Variants in ADARB2 observed in about 807,000 individuals in gnomAD.
ADARB2 encodes inactive double-stranded RNA-specific editase B2.
In ADARB2, 25 loss-of-function variants were observed where a neutral mutation model predicts 62.2. The observed-to-expected ratio is 0.40, with a 90% CI of 0.29 to 0.56. The LOEUF (loss-of-function observed/expected upper bound fraction) is 0.56, where lower values mean the gene tolerates loss of function less well. ADARB2 is among the 20% of genes least tolerant of loss of function. The pLI is 0.43. For missense variants in ADARB2, 1,071 were observed against 1,077.4 expected (o/e 0.99, Z 0.08); for synonymous variants, 572 against 500.8 (o/e 1.14, Z -1.90).
At chr10:1,227,652 C>T (rs1331211454) in intron 6 of ADARB2, among the ~76,000 whole-genome samples, 1 of 152,132 alleles carries the variant, frequency 6.6e-6, no homozygotes, top group East Asian at 1.9e-4. Context: ...AGACAAACAA[C>T]AAGAGGTTTG....
chr10:1,347,784 A>C (rs1270082289), intron 3 of ADARB2, among the ~76,000 whole-genome samples: 1 of 152,182 alleles, frequency 6.6e-6, no homozygotes, highest in Non-Finnish European at 1.5e-5. Flanking sequence ...AGGCACCCCC[A>C]GTGGACACCA....
chr10:1,736,936 A>G, intron 1 of ADARB2, 115 bp downstream of exon 1: 2 of 1,059,124 alleles, frequency 1.9e-6, no homozygotes, highest in Admixed American at 2.0e-5. Flanking sequence ...CCATCCCGCC[A>G]GCACCCCAAA....
intron 7 of ADARB2, among the ~76,000 whole-genome samples, chr10:1,201,593 A>G (rs1836985801): frequency 6.7e-6 from 1 of 149,532 alleles, no homozygotes; most frequent in Non-Finnish European, 1.5e-5. Flanking sequence ...TTCATTCCAC[A>G]GAGTGTCTGC....
At chr10:1,523,815 G>A (rs946792370) in intron 1 of ADARB2, among the ~76,000 whole-genome samples, 1 of 152,054 alleles carries the variant, frequency 6.6e-6, no homozygotes, top group African/African-American at 2.4e-5. Flanking sequence ...TTTCTAATCT[G>A]TCATCCTTTT....
intron 1 of ADARB2, among the ~76,000 whole-genome samples, chr10:1,436,923 G>A (rs1165057802): frequency 6.6e-6 from 1 of 152,028 alleles, no homozygotes; most frequent in African/African-American, 2.4e-5. Flanking sequence ...CTGTTTTCAT[G>A]CTATTTGGAT....
intron 3 of ADARB2, among the ~76,000 whole-genome samples, chr10:1,283,840 A>G (rs1831390246): frequency 6.6e-6 from 1 of 152,208 alleles, no homozygotes; most frequent in African/African-American, 2.4e-5. Flanking sequence ...CCTGGAAGAG[A>G]TAGTTTATGT....
At chr10:1,643,862 C>G (rs1020539329) in intron 1 of ADARB2, among the ~76,000 whole-genome samples, 1 of 152,102 alleles carries the variant, frequency 6.6e-6, no homozygotes, top group Non-Finnish European at 1.5e-5. Context: ...GTGACAGTGA[C>G]AAGGTGCCTG....
chr10:1,669,091 T>C (rs777333978), intron 1 of ADARB2, among the ~76,000 whole-genome samples: 2 of 152,208 alleles, frequency 1.3e-5, no homozygotes, highest in Non-Finnish European at 2.9e-5. Context: ...AGCCAAGCCC[T>C]AGCCTACTGC....
chr10:1,465,613 T>C lies in ADARB2; in HGVS notation c.101-86453A>G, dbSNP rs539136799. On this transcript the variant is annotated intron_variant, in intron 1 of 9. Coordinates refer to ENST00000381312, the MANE Select transcript of ADARB2 (RefSeq NM_018702.4). ...AATTCCCCTGTAGAGAGTGTGCCTT[T>C]TGACTTTACCTGTCCTCAGACTGAC... Among the ~76,000 whole-genome samples, 9 of 152,338 alleles carry C rather than the reference T, an allele frequency of 5.9e-5. No homozygotes were observed. In the East Asian group the frequency reaches 1.7e-3, roughly 29 times the overall value.
At chr10:1,287,426 A>G (rs923240416) in intron 3 of ADARB2, among the ~76,000 whole-genome samples, 2 of 152,192 alleles carry the variant, frequency 1.3e-5, no homozygotes, top group East Asian at 1.9e-4. Flanking sequence ...CCTGAAATAC[A>G]TGATACATTA....
At chr10:1,484,150 T>C (rs1287462901) in intron 1 of ADARB2, among the ~76,000 whole-genome samples, 1 of 152,234 alleles carries the variant, frequency 6.6e-6, no homozygotes, top group Non-Finnish European at 1.5e-5. Context: ...ACATTAATCC[T>C]CTCGATATTT....
At chr10:1,696,168 GTC>G (rs1454932100) in intron 1 of ADARB2, among the ~76,000 whole-genome samples, 3 of 130,728 alleles carry the variant, frequency 2.3e-5, no homozygotes, top group South Asian at 3.1e-4. Context: ...GTTTGCATGT[GTC>G]TGTGTATGCA....
intron 1 of ADARB2, among the ~76,000 whole-genome samples, chr10:1,488,081 A>C (rs1220554951): frequency 6.6e-6 from 1 of 152,254 alleles, no homozygotes; most frequent in African/African-American, 2.4e-5. Flanking sequence ...GAAAGCACTC[A>C]ATATAAAGAA....
intron 1 of ADARB2, among the ~76,000 whole-genome samples, chr10:1,702,794 T>C (rs1363860637): frequency 6.6e-6 from 1 of 152,238 alleles, no homozygotes; most frequent in Non-Finnish European, 1.5e-5. Flanking sequence ...AGACTGGCCC[T>C]CCTTTAGAGG....
intron 1 of ADARB2, among the ~76,000 whole-genome samples, chr10:1,683,807 G>A (rs1394365187): frequency 6.6e-6 from 1 of 152,236 alleles, no homozygotes. Flanking sequence ...GCAGAGAAAC[G>A]CAGGCAAGGA....
At chr10:1,208,037 T>A (rs1212303643) in intron 7 of ADARB2, among the ~76,000 whole-genome samples, 1 of 152,146 alleles carries the variant, frequency 6.6e-6, no homozygotes. Flanking sequence ...AGGGGCAGGG[T>A]TTGGTCTCCA....
intron 1 of ADARB2, among the ~76,000 whole-genome samples, chr10:1,479,576 G>T (rs140325728): frequency 6.6e-6 from 1 of 152,114 alleles, no homozygotes; most frequent in Admixed American, 6.5e-5. Context: ...ATCCAGAGTC[G>T]GGTTCTGCCT....
intron 1 of ADARB2, among the ~76,000 whole-genome samples, chr10:1,575,687 G>A (rs1751701507): frequency 6.6e-6 from 1 of 152,202 alleles, no homozygotes; most frequent in African/African-American, 2.4e-5. Flanking sequence ...GTGGAGGAGG[G>A]TGGGAGGTTC....
At chr10:1,382,824 G>T (rs145448025) in intron 1 of ADARB2, among the ~76,000 whole-genome samples, 27 of 151,980 alleles carry the variant, frequency 1.8e-4, no homozygotes, top group African/African-American at 6.3e-4. Flanking sequence ...TAGAAGAGGC[G>T]GCTGGGCTGG....
Sources: allele counts gnomAD v4.1 joint callset (sites outside exome capture counted in the v4.1 genomes callset), GRCh38; gene constraint gnomAD v4.1.1; transcripts MANE v1.5; gene names NCBI Gene and HGNC (gene_info 2026-07-23, HGNC 2026-07-21).